Variants in UGT2A3 observed in about 807,000 individuals in gnomAD.
The protein encoded by UGT2A3 is UDP-glucuronosyltransferase 2A3.
A neutral mutation model predicts 44.1 loss-of-function variants in UGT2A3; 55 were observed. That is an observed-to-expected ratio of 1.25 (90% confidence interval 1.00 to 1.56). The LOEUF (loss-of-function observed/expected upper bound fraction) is 1.56, where lower values mean the gene tolerates loss of function less well. Ranked by LOEUF, UGT2A3 falls within the 40% of genes most tolerant of loss-of-function variation. The probability of loss-of-function intolerance (pLI) is 0.00; values close to 1 mark genes in which losing one functional copy is unlikely to be tolerated. For missense variants in UGT2A3, 733 were observed against 621.6 expected, an observed-to-expected ratio of 1.18 and a Z score of -1.91; for synonymous variants, 243 against 215.1, an observed-to-expected ratio of 1.13 and a Z score of -1.13.
At chr4:68,946,903 A>G (rs1007932863) in intron 1 of UGT2A3, among the ~76,000 whole-genome samples, 5 of 151,720 alleles carry the variant, frequency 3.3e-5, no homozygotes, top group Admixed American at 3.3e-4. Context: ...TCACGTTTAA[A>G]AAGGAATGCA....
At chr4:68,930,800 T>A (rs769379829) in intron 4 of UGT2A3, 35 bp from the exon 5 acceptor site, 1 of 1,497,488 alleles carries the variant, frequency 6.7e-7, no homozygotes, top group South Asian at 1.3e-5. Context: ...TGGTGAGATA[T>A]TTTATTCTAA....
intron 2 of UGT2A3, among the ~76,000 whole-genome samples, chr4:68,942,339 C>A (rs11935123): frequency 0.64 from 85,014 of 133,070 alleles, 25,354 homozygotes; most frequent in Non-Finnish European, 0.67. Context: ...CTCTCTCTCT[C>A]TATATATATA....
intron 2 of UGT2A3, among the ~76,000 whole-genome samples, chr4:68,937,698 A>G (rs1403053208): frequency 6.6e-6 from 1 of 152,142 alleles, no homozygotes; most frequent in Admixed American, 6.6e-5. Flanking sequence ...AGAAGACAAG[A>G]ATTAACTAAG....
rs146370144 is a variant in UGT2A3 at position 68,945,512 on chromosome 4, A to G, written c.716-58T>C. 7,248 of 1,458,244 alleles carry G rather than the reference A, an allele frequency of 5.0e-3. 20 individuals are homozygous for G. The highest frequency in any genetic ancestry group is 6.1e-3 in the Non-Finnish European group (6,614 of 1,085,258). The allele number at this position is 1,458,244 out of a possible 1,614,324, so 90.3% of individuals were successfully genotyped here. A position where few individuals can be genotyped will look rare whatever the true frequency, so the allele number is the denominator to read the frequency against. Reference sequence around the variant, plus strand: ...TACAATTCAAATAAAAAATTGTATCACTAATTTTTCAGTAAGCTATTAAGA... The same window carrying G: ...TACAATTCAAATAAAAAATTGTATCGCTAATTTTTCAGTAAGCTATTAAGA... On this transcript the variant is annotated intron_variant, in intron 1 of 5. Transcript: ENST00000251566.
chr4:68,948,651 T>C (rs571546219), intron 1 of UGT2A3, among the ~76,000 whole-genome samples: 3 of 151,774 alleles, frequency 2.0e-5, no homozygotes, highest in African/African-American at 7.2e-5. Context: ...TAAAATTTTC[T>C]CCATATCAGC....
chr4:68,938,991 G>C (rs954656493), intron 2 of UGT2A3, among the ~76,000 whole-genome samples: 1 of 152,042 alleles, frequency 6.6e-6, no homozygotes, highest in Non-Finnish European at 1.5e-5. Context: ...CAACTTACAA[G>C]GGATGTGAAA....
chr4:68,929,199 A>G lies in UGT2A3; in HGVS notation c.*614T>C, dbSNP rs1366480499. 1 of 152,120 alleles carries G rather than the reference A, an allele frequency of 6.6e-6. No individual in the cohort carries two copies. The highest frequency in any genetic ancestry group is 2.4e-5 in the African/African-American group (1 of 41,446). 9.4% of individuals were successfully genotyped at this position (152,120 alleles called of 1,614,324 possible). A position where few individuals can be genotyped will look rare whatever the true frequency, so the allele number is the denominator to read the frequency against. ...TTTTATCATCAAGAAAACAGAAAAAAGTATTGGTTGAGTGATGGCAGAAAT... is the reference window on the plus strand; with the variant it reads ...TTTTATCATCAAGAAAACAGAAAAAGGTATTGGTTGAGTGATGGCAGAAAT... On this transcript the variant is annotated 3_prime_UTR_variant, in exon 6 of 6. Coordinates refer to ENST00000251566, the MANE Select transcript of UGT2A3 (RefSeq NM_024743.4).
intron 2 of UGT2A3, 33 bp downstream of exon 2, chr4:68,945,273 A>G (rs1456426120): frequency 6.2e-7 from 1 of 1,607,570 alleles, no homozygotes; most frequent in Non-Finnish European, 8.5e-7. Context: ...CATGTCATAA[A>G]GTACATAATA....
intron 1 of UGT2A3, among the ~76,000 whole-genome samples, chr4:68,948,031 C>T (rs889788916): frequency 6.6e-6 from 1 of 151,802 alleles, no homozygotes; most frequent in African/African-American, 2.4e-5. Context: ...GCTGCATTAG[C>T]CACTACAAGA....
chr4:68,945,194 C>G, intron 2 of UGT2A3, 112 bp downstream of exon 2: 1 of 1,252,326 alleles, frequency 8.0e-7, no homozygotes. Flanking sequence ...AAATATGGAG[C>G]TGCAAACAGA....
chr4:68,947,323 A>T (rs1718415444), intron 1 of UGT2A3, among the ~76,000 whole-genome samples: 1 of 151,822 alleles, frequency 6.6e-6, no homozygotes, highest in African/African-American at 2.4e-5. Context: ...GTGTTCATCT[A>T]TAAAAAGTAA....
chr4:68,938,932 T>C (rs572990439), intron 2 of UGT2A3, among the ~76,000 whole-genome samples: 2 of 152,278 alleles, frequency 1.3e-5, no homozygotes, highest in East Asian at 3.9e-4. Context: ...AAATCATGAT[T>C]GAACTGTCAT....
At chr4:68,941,117 C>T (rs1718171878) in intron 2 of UGT2A3, among the ~76,000 whole-genome samples, 1 of 151,650 alleles carries the variant, frequency 6.6e-6, no homozygotes, top group African/African-American at 2.4e-5. Flanking sequence ...CCCTCACATC[C>T]CCTCTTTATG....
At position 68,951,678 on chromosome 4, in the gene UGT2A3, A is replaced by C. The variant is rs1029177864; in HGVS notation, c.83T>G (p.Val28Gly). 4.3e-6 allele frequency: 7 copies of C among 1,611,900 alleles called. No individual in the cohort carries two copies. The Admixed American group carries it at 1.2e-4, about 27-fold the overall frequency. ...VGCGFCGKVLVWPCDMSHWLN... is the reference protein window; with the variant it reads ...VGCGFCGKVLGWPCDMSHWLN... ...CCAATGGCTCATGTCACAGGGCCAC[A>C]CCAGGACTTTCCCACAGAATCCACA... The change falls in exon 1 of 6, where the codon GTG becomes GGG. Residue 28 changes from valine (V) to glycine (G), a missense_variant. Physicochemically the swap from Val to Gly is moderately radical, Grantham distance 109. Transcript: ENST00000251566.
chr4:68,936,012 A>G lies in UGT2A3; in HGVS notation c.865-3253T>C, dbSNP rs551102467. On this transcript the variant is annotated intron_variant, in intron 2 of 5. Coordinates refer to ENST00000251566, the MANE Select transcript of UGT2A3 (RefSeq NM_024743.4). ...ATAAAGCAAGAAGACAAGTTTAGGG[A>G]AAAAAGTGTAAAAAGAAAGGAACAA... Among the ~76,000 whole-genome samples the G allele has an allele frequency of 2.6e-5, 4 of 152,250 alleles. No individual in the cohort carries two copies. The East Asian group carries it at 5.8e-4, about 22-fold the overall frequency.
intron 2 of UGT2A3, among the ~76,000 whole-genome samples, chr4:68,934,669 T>A (rs1717867233): frequency 6.6e-6 from 1 of 151,862 alleles, no homozygotes; most frequent in African/African-American, 2.4e-5. Context: ...GCCCAAAGAT[T>A]GAGAATAGCT....
intron 1 of UGT2A3, 140 bp downstream of exon 1, chr4:68,950,906 C>A: frequency 1.7e-6 from 1 of 575,904 alleles, no homozygotes; most frequent in Non-Finnish European, 2.9e-6. Flanking sequence ...AGAACAAATA[C>A]ACTTTCTTTA....
At chr4:68,948,430 CTTT>C (rs1553902662) in intron 1 of UGT2A3, among the ~76,000 whole-genome samples, 3 of 69,706 alleles carry the variant, frequency 4.3e-5, no homozygotes, top group Non-Finnish European at 1.1e-4. Flanking sequence ...TTTTTCTTTT[CTTT>C]TTTTTCTTTT....
chr4:68,948,402 T>A lies in UGT2A3; in HGVS notation c.715+2644A>T, dbSNP rs1334217273. Among the ~76,000 whole-genome samples the A allele has an allele frequency of 4.6e-5, 7 of 151,504 alleles. No homozygotes were observed. In the East Asian group the frequency reaches 1.4e-3, roughly 30 times the overall value. The stretch of plus-strand genomic sequence containing the variant: ...GCTAATGCCAAAACCTAAGGTGATG[T>A]TGTGGTTGGTTTAATTTTTTTTCTT... On this transcript the variant is annotated intron_variant, in intron 1 of 5. Transcript: ENST00000251566.
Sources: allele counts gnomAD v4.1 joint callset (sites outside exome capture counted in the v4.1 genomes callset), GRCh38; gene constraint gnomAD v4.1.1; transcripts MANE v1.5; gene names NCBI Gene and HGNC (gene_info 2026-07-23, HGNC 2026-07-21).